Variants in TEAD3 observed in about 807,000 individuals in gnomAD.
TEAD3 encodes TEA domain transcription factor 3, also known as transcriptional enhancer factor TEF-5.
TEAD3 carries 15 observed loss-of-function variants against 55.6 expected under a neutral mutation model. The ratio of observed to expected loss-of-function variants is 0.27; its 90% confidence interval spans 0.18 to 0.42. The LOEUF is 0.42. Ranked by LOEUF, TEAD3 falls within the 10% of genes least tolerant of loss-of-function variation. The probability of loss-of-function intolerance (pLI) is 1.00; values close to 1 mark genes in which losing one functional copy is unlikely to be tolerated. For synonymous variants in TEAD3, 210 were observed against 232.2 expected (o/e 0.90, Z 0.87); for missense variants, 407 against 576.8 (o/e 0.71, Z 3.01).
intron 9 of TEAD3, 32 bp downstream of exon 9, chr6:35,476,270 C>T (rs766352529): frequency 3.1e-5 from 50 of 1,604,262 alleles, no homozygotes; most frequent in Non-Finnish European, 3.8e-5. Flanking sequence ...CACAATTGTG[C>T]AAAGCCTCAC....
chr6:35,481,258 C>A (rs567176774), intron 3 of TEAD3, among the ~76,000 whole-genome samples: 13 of 152,214 alleles, frequency 8.5e-5, no homozygotes, highest in African/African-American at 3.1e-4. Flanking sequence ...ACCACAGACC[C>A]TTGACCTTGT....
intron 5 of TEAD3, 36 bp downstream of exon 5, chr6:35,479,269 T>C: frequency 6.2e-7 from 1 of 1,612,038 alleles, no homozygotes; most frequent in South Asian, 1.1e-5. Context: ...TAAGACCCTT[T>C]CCCCCACTCC....
In TEAD3 at chr6:35,483,095, G is replaced by A. The variant is rs1470878664; in HGVS notation, c.267+1465C>T. 2.0e-5 allele frequency among the ~76,000 whole-genome samples: 3 copies of A among 152,196 alleles called. No homozygotes were observed. The highest frequency in any genetic ancestry group is 2.1e-4 in the South Asian group (1 of 4,836). ...TCCAGGGGACAGGGCTCTGGCGCAC[G>A]CCTCCATGTGGTATCCCTGGTGCCT... On this transcript the variant is annotated intron_variant, in intron 3 of 12. Transcript: ENST00000639578. The surrounding 1 kb of genome is among the most constrained non-coding windows in gnomAD (Gnocchi z 4.5).
rs58006685 is a variant in TEAD3 at position 35,488,873 on chromosome 6, T to C, written c.-49-2162A>G. ...CATGCAGCCTCCCCCCTCAGCATGGTGGCACGCACCTGTAGCTGGGATTAC... is the reference window on the plus strand; with the variant it reads ...CATGCAGCCTCCCCCCTCAGCATGGCGGCACGCACCTGTAGCTGGGATTAC... On this transcript the variant is annotated intron_variant, in intron 1 of 12. Coordinates refer to ENST00000639578, the Ensembl canonical transcript of TEAD3. The surrounding 1 kb of genome is among the most constrained non-coding windows in gnomAD (Gnocchi z 4.2). 2.0e-5 allele frequency among the ~76,000 whole-genome samples: 3 copies of C among 151,926 alleles called. No homozygotes were observed. In the South Asian group the frequency reaches 6.3e-4, roughly 32 times the overall value.
rs1768654588 is a variant in TEAD3 at position 35,496,383 on chromosome 6, A to T, written c.-50+515T>A. Among the ~76,000 whole-genome samples, 1 of 151,976 alleles carries T rather than the reference A, an allele frequency of 6.6e-6. No individual in the cohort carries two copies. The highest frequency in any genetic ancestry group is 2.4e-5 in the African/African-American group (1 of 41,396). The stretch of plus-strand genomic sequence containing the variant: ...TGGTCCCAGACACCCTCCACAACCC[A>T]GCGCAGCCGCGGCACCGCGCGCAGA... On this transcript the variant is annotated intron_variant, in intron 1 of 12. Transcript: ENST00000639578. This position sits in a 1 kb window ranked among gnomAD's most constrained non-coding sequence, Gnocchi z 4.8.
chr6:35,486,029 T>C lies in TEAD3; in HGVS notation c.202+432A>G, dbSNP rs73415626. On this transcript the variant is annotated intron_variant, in intron 2 of 12. Coordinates refer to ENST00000639578, the Ensembl canonical transcript of TEAD3. This position sits in a 1 kb window ranked among gnomAD's most constrained non-coding sequence, Gnocchi z 7.3. ...TCCCCACAGCCCCAACGCAGGCCTTTGTCCCCGTGCGACCTCCCACAGCCC... is the reference window on the plus strand; with the variant it reads ...TCCCCACAGCCCCAACGCAGGCCTTCGTCCCCGTGCGACCTCCCACAGCCC... Among the ~76,000 whole-genome samples, 1,339 of 152,280 alleles carry C rather than the reference T, an allele frequency of 8.8e-3. 14 individuals are homozygous for C. Among genetic ancestry groups the C allele is most frequent in the African/African-American group, 0.025 (1,056 of 41,564 alleles).
In TEAD3 at chr6:35,483,931, ATTAAC is replaced by A. The variant is rs1332512595; in HGVS notation, c.267+624_267+628del. 2.0e-5 allele frequency among the ~76,000 whole-genome samples: 3 copies of A among 152,196 alleles called. No homozygotes were observed. Among genetic ancestry groups the A allele is most frequent in the Admixed American group, 2.0e-4 (3 of 15,280 alleles). On this transcript the variant is annotated intron_variant, in intron 3 of 12. Transcript: ENST00000639578. This position sits in a 1 kb window ranked among gnomAD's most constrained non-coding sequence, Gnocchi z 4.5. ...TAAGGTTACTGAGAGGATGAAATAA[ATTAAC>A]TTAAAGGAAGCTCTGTATGGGTTTA... is the stretch of plus-strand genomic sequence containing the variant.
intron 3 of TEAD3, among the ~76,000 whole-genome samples, chr6:35,481,650 A>G (rs1768269868): frequency 6.6e-6 from 1 of 152,226 alleles, no homozygotes; most frequent in Non-Finnish European, 1.5e-5. Flanking sequence ...AAACCTAGGT[A>G]CTAATATCCC....
At chr6:35,490,046 G>C (rs1261527847) in intron 1 of TEAD3, among the ~76,000 whole-genome samples, 1 of 152,122 alleles carries the variant, frequency 6.6e-6, no homozygotes, top group Non-Finnish European at 1.5e-5. Context: ...AGGGAGAAGA[G>C]GGGCTACAAT....
Position 35,486,470 on chromosome 6 carries a change from TGCCCTC to T in TEAD3, c.187_192del (p.Glu63_Gly64del). ...GCCCCCCGGCACGCACCGTACATCT[TGCCCTC>T]GTCTGACAGGATGATCTTCCGCCGG... On this transcript the variant is annotated inframe_deletion, in exon 2 of 13. Coordinates refer to ENST00000639578, the Ensembl canonical transcript of TEAD3. This position sits in a 1 kb window ranked among gnomAD's most constrained non-coding sequence, Gnocchi z 7.3. The T allele has an allele frequency of 6.2e-7, 1 of 1,612,758 alleles. No homozygotes were observed. Among genetic ancestry groups the T allele is most frequent in the Non-Finnish European group, 8.5e-7 (1 of 1,179,430 alleles).
chr6:35,480,412 TAGAC>T (rs1768244044), intron 3 of TEAD3, 38 bp from the exon 4 acceptor site: 5 of 1,609,772 alleles, frequency 3.1e-6, no homozygotes, highest in East Asian at 2.2e-5. Flanking sequence ...GAGGAAAACA[TAGAC>T]AGTGAGGAGG....
chr6:35,494,895 G>A (rs571419700), intron 1 of TEAD3, among the ~76,000 whole-genome samples: 143 of 144,876 alleles, frequency 9.9e-4, no homozygotes, highest in African/African-American at 3.3e-3. Context: ...TTTCAGCCCT[G>A]TTCATCTGGC....
chr6:35,478,173 A>G, intron 7 of TEAD3, 102 bp downstream of exon 7: 2 of 1,432,066 alleles, frequency 1.4e-6, no homozygotes, highest in South Asian at 2.4e-5. Context: ...TCTATTTTTG[A>G]ATTAAAACTT....
rs67071124 is a variant in TEAD3, at chr6:35,478,877, C to CT, written c.343-307dup. On this transcript the variant is annotated intron_variant, in intron 5 of 12. Transcript: ENST00000639578. ...TGTATGTCATGTACTCTCCTATTTTCTTTTTTTTTTTTTTTTTTTTGAGAC... is the reference window on the plus strand; with the variant it reads ...TGTATGTCATGTACTCTCCTATTTTCTTTTTTTTTTTTTTTTTTTTTGAGAC... Among the ~76,000 whole-genome samples the CT allele has an allele frequency of 7.8e-3, 835 of 106,720 alleles. 11 individuals carry two copies. The highest frequency in any genetic ancestry group is 0.031 in the Middle Eastern group (6 of 196). The allele number at this position is 106,720 out of a possible 152,430, so 70.0% of individuals were successfully genotyped here. A position where few individuals can be genotyped will look rare whatever the true frequency, so the allele number is the denominator to read the frequency against.
intron 3 of TEAD3, among the ~76,000 whole-genome samples, chr6:35,482,521 C>G (rs906487687): frequency 1.3e-5 from 2 of 152,176 alleles, no homozygotes; most frequent in African/African-American, 2.4e-5. Context: ...GGGCAGCCCT[C>G]TCAGGATGCT....
In TEAD3 at chr6:35,475,964, G is replaced by A. The variant is rs201872038; in HGVS notation, c.855C>T (p.Leu285=). The change falls in exon 10 of 13, where the codon CTC becomes CTT. Residue 285 remains leucine (L), a synonymous_variant. Transcript: ENST00000639578. This position sits in a 1 kb window ranked among gnomAD's most constrained non-coding sequence, Gnocchi z 5.4. ...AGGCATTAGGGGGCCCCTTCTCATA[G>A]AGCTCCTTCAATCCTCCCTTTTTCT... 5.3e-4 allele frequency: 823 copies of A among 1,557,306 alleles called. 5 individuals carry two copies. The highest frequency in any genetic ancestry group is 2.3e-3 in the Middle Eastern group (13 of 5,758).
At position 35,485,902 on chromosome 6, in the gene TEAD3, G is replaced by A. The variant is rs937073258; in HGVS notation, c.202+559C>T. ...TGCAGCTCTGGGAGAGCCCTCTCAG[G>A]GCTGGACAAGAGGGGACACTCCCTT... is the stretch of plus-strand genomic sequence containing the variant. On this transcript the variant is annotated intron_variant, in intron 2 of 12. Transcript: ENST00000639578. The surrounding 1 kb of genome is among the most constrained non-coding windows in gnomAD (Gnocchi z 4.3). Among the ~76,000 whole-genome samples, 1 of 152,198 alleles carries A rather than the reference G, an allele frequency of 6.6e-6. No individual in the cohort carries two copies. The highest frequency in any genetic ancestry group is 1.5e-5 in the Non-Finnish European group (1 of 68,036).
chr6:35,474,749 C>T (rs2150909891), downstream of TEAD3: 2 of 361,338 alleles, frequency 5.5e-6, no homozygotes, highest in Middle Eastern at 1.6e-3. Context: ...GAAGGTGTCC[C>T]CTATCCCCAC....
intron 1 of TEAD3, among the ~76,000 whole-genome samples, chr6:35,492,645 G>T (rs1465449914): frequency 7.0e-6 from 1 of 143,768 alleles, no homozygotes; most frequent in Non-Finnish European, 1.5e-5. Flanking sequence ...TCCAATTTGG[G>T]ACTGGAGATT....
Sources: gnomAD v4.1 joint callset for allele counts (sites outside exome capture counted in the v4.1 genomes callset) on GRCh38, gnomAD v4.1.1 for gene constraint, Gnocchi (gnomAD v3.1) non-coding constraint, MANE v1.5 for transcripts, NCBI Gene and HGNC (gene_info 2026-07-23, HGNC 2026-07-21) for gene names.